The following MAGI1 variants were observed in gnomAD, a reference collection of about 807,000 sequenced individuals.
The protein encoded by MAGI1 is membrane-associated guanylate kinase, WW and PDZ domain-containing protein 1.
A neutral mutation model predicts 139.9 loss-of-function variants in MAGI1; 58 were observed. The ratio of observed to expected loss-of-function variants is 0.41; its 90% CI spans 0.34 to 0.52. MAGI1 has a LOEUF of 0.52. Ranked by LOEUF, MAGI1 falls within the 20% of genes least tolerant of loss-of-function variation. The pLI, the probability that MAGI1 is intolerant of heterozygous loss-of-function variation, is 0.12. For missense variants in MAGI1, 1,874 were observed against 1,901.6 expected (o/e 0.99, Z 0.27); for synonymous variants, 812 against 737.9 (o/e 1.10, Z -1.63).
intron 2 of MAGI1, among the ~76,000 whole-genome samples, chr3:65,584,807 T>C (rs902416373): frequency 1.1e-4 from 17 of 152,336 alleles, no homozygotes; most frequent in African/African-American, 4.1e-4. Flanking sequence ...AGTATAACAG[T>C]ACTCATTTTT....
At chr3:65,869,297 A>G (rs2059841449) in intron 1 of MAGI1, among the ~76,000 whole-genome samples, 1 of 146,852 alleles carries the variant, frequency 6.8e-6, no homozygotes, top group Non-Finnish European at 1.5e-5. Context: ...TATGTTTATA[A>G]TGTGTCATCT....
chr3:65,593,088 C>G (rs964000788), intron 2 of MAGI1, among the ~76,000 whole-genome samples: 1 of 152,062 alleles, frequency 6.6e-6, no homozygotes, highest in African/African-American at 2.4e-5. Context: ...TAAAAAGTCC[C>G]AAGCTAGAAA....
At chr3:65,902,031 A>C (rs952496533) in intron 1 of MAGI1, among the ~76,000 whole-genome samples, 1 of 152,228 alleles carries the variant, frequency 6.6e-6, no homozygotes, top group Non-Finnish European at 1.5e-5. Context: ...TTAAACGCTA[A>C]GGAATGCAAA....
chr3:65,929,381 A>T (rs1011481856), intron 1 of MAGI1, among the ~76,000 whole-genome samples: 4 of 151,032 alleles, frequency 2.6e-5, no homozygotes, highest in African/African-American at 9.8e-5. Flanking sequence ...TCGCTCTGTC[A>T]CCATGCTGGA....
chr3:65,794,679 T>C (rs2040005600), intron 1 of MAGI1, among the ~76,000 whole-genome samples: 1 of 151,952 alleles, frequency 6.6e-6, no homozygotes, highest in African/African-American at 2.4e-5. Flanking sequence ...CAGGAGACCC[T>C]ATCCCTCCAC....
intron 1 of MAGI1, among the ~76,000 whole-genome samples, chr3:65,868,977 C>A (rs1268471350): frequency 6.6e-6 from 1 of 152,034 alleles, no homozygotes; most frequent in Non-Finnish European, 1.5e-5. Context: ...TAACATACCT[C>A]ATAATTACTG....
chr3:65,409,633 A>ATTT (rs34549703), intron 12 of MAGI1, among the ~76,000 whole-genome samples: 1 of 150,278 alleles, frequency 6.7e-6, no homozygotes, highest in Non-Finnish European at 1.5e-5. Context: ...AACATGTTTC[A>ATTT]TTTTTTTTTT....
chr3:65,872,675 T>C (rs939146853), intron 1 of MAGI1: 1 of 152,110 alleles, frequency 6.6e-6, no homozygotes, highest in Non-Finnish European at 1.5e-5. Flanking sequence ...CAGATGCATA[T>C]GAATAGAAAA....
intron 1 of MAGI1, among the ~76,000 whole-genome samples, chr3:65,758,516 A>C (rs1236897866): frequency 6.6e-6 from 1 of 152,102 alleles, no homozygotes; most frequent in Non-Finnish European, 1.5e-5. Context: ...GCATATTCAT[A>C]ATATGTTAAG....
chr3:65,695,653 T>C (rs1362824983), intron 1 of MAGI1, among the ~76,000 whole-genome samples: 1 of 152,220 alleles, frequency 6.6e-6, no homozygotes, highest in Non-Finnish European at 1.5e-5. Context: ...GAATCTACAG[T>C]AGACGCCTAG....
intron 1 of MAGI1, among the ~76,000 whole-genome samples, chr3:65,721,372 T>C (rs1488024752): frequency 6.6e-6 from 1 of 152,194 alleles, no homozygotes; most frequent in Non-Finnish European, 1.5e-5. Context: ...CAAACCAGGA[T>C]GCATTTGAGA....
intron 1 of MAGI1, among the ~76,000 whole-genome samples, chr3:65,989,824 C>G (rs532925480): frequency 1.3e-5 from 2 of 152,326 alleles, no homozygotes; most frequent in Admixed American, 6.5e-5. Flanking sequence ...CAGGCATGAG[C>G]CACTGCACCT....
chr3:65,832,310 C>T (rs1220006105), intron 1 of MAGI1, among the ~76,000 whole-genome samples: 1 of 152,106 alleles, frequency 6.6e-6, no homozygotes, highest in East Asian at 1.9e-4. Flanking sequence ...ACAAATGATG[C>T]CAAGGGAGGG....
chr3:65,753,965 T>G (rs548800957), intron 1 of MAGI1, among the ~76,000 whole-genome samples: 8 of 152,288 alleles, frequency 5.3e-5, no homozygotes, highest in African/African-American at 1.9e-4. Context: ...CTGTAGAGAA[T>G]GTCTGACTGA....
intron 1 of MAGI1, among the ~76,000 whole-genome samples, chr3:65,752,381 G>A (rs2107829929): frequency 6.6e-6 from 1 of 152,120 alleles, no homozygotes; most frequent in East Asian, 1.9e-4. Flanking sequence ...ACTTAGGTTT[G>A]GTGTGAGGAA....
At chr3:65,453,375 G>GAAAAAAAAAAAAAAAAAAAAAAAA (rs370264784) in intron 5 of MAGI1, 35 bp from the exon 6 acceptor site, 1 of 743,694 alleles carries the variant, frequency 1.3e-6, no homozygotes, top group Non-Finnish European at 2.0e-6. Context: ...AAATTTGTTT[G>GAAAAAAAAAAAAAAAAAAAAAAAA]AAAAAAAAAA....
At chr3:65,945,204 GGTT>G (rs931227553) in intron 1 of MAGI1, among the ~76,000 whole-genome samples, 1 of 152,098 alleles carries the variant, frequency 6.6e-6, no homozygotes, top group Admixed American at 6.6e-5. Context: ...AACTGCATTT[GGTT>G]TTTTTGTTGT....
At chr3:65,879,649 C>T (rs999712549) in intron 1 of MAGI1, among the ~76,000 whole-genome samples, 1 of 152,082 alleles carries the variant, frequency 6.6e-6, no homozygotes, top group Non-Finnish European at 1.5e-5. Flanking sequence ...ATCATGAGTT[C>T]TACAACTCAA....
At chr3:65,703,674 T>C (rs2107620449) in intron 1 of MAGI1, among the ~76,000 whole-genome samples, 1 of 152,272 alleles carries the variant, frequency 6.6e-6, no homozygotes, top group East Asian at 1.9e-4. Context: ...TAATTTATAG[T>C]TTAGATGACA....
Sources: allele counts gnomAD v4.1 joint callset (sites outside exome capture counted in the v4.1 genomes callset), GRCh38; gene constraint gnomAD v4.1.1; transcripts MANE v1.5; gene names NCBI Gene and HGNC (gene_info 2026-07-23, HGNC 2026-07-21).